FNDC3A: variants seen among roughly 807,000 people sequenced by gnomAD.
FNDC3A encodes fibronectin type-III domain-containing protein 3A.
Under a neutral mutation model 148.9 loss-of-function variants are expected in FNDC3A, and 32 were observed. The ratio of observed to expected loss-of-function variants is 0.21; its 90% CI spans 0.16 to 0.29. FNDC3A has a LOEUF of 0.29. Among genes scored for constraint, FNDC3A ranks in the 10% least tolerant of loss-of-function variants. FNDC3A has a pLI of 1.00. For synonymous variants in FNDC3A, 472 were observed against 473.6 expected (o/e 1.00, Z 0.04); for missense variants, 1,191 against 1,452.8 (o/e 0.82, Z 2.93).
intron 10 of FNDC3A, 131 bp downstream of exon 10, chr13:49,168,882 A>G: frequency 2.5e-6 from 2 of 800,718 alleles, no homozygotes; most frequent in South Asian, 1.8e-5. Flanking sequence ...TAAGACACAA[A>G]TGCCTATTTA....
chr13:49,207,143 C>T lies in FNDC3A; in HGVS notation c.3345C>T (p.Arg1115=), dbSNP rs781320101. The stretch of plus-strand genomic sequence containing the variant: ...GCCTTCAGCTGAACTGTGAATATCG[C>T]TTCCGTGTATGTGCCATTCGCCAGT... ...YSSLQLNCEY[R]FRVCAIRQCQ... The change falls in exon 26 of 26, where the codon CGC becomes CGT. Residue 1115 remains arginine (R), a synonymous_variant. Transcript: ENST00000492622. 6.2e-7 allele frequency: 1 copy of T among 1,614,190 alleles called. No individual in the cohort carries two copies. Among genetic ancestry groups the T allele is most frequent in the East Asian group, 2.2e-5 (1 of 44,878 alleles).
At chr13:49,081,908 C>T (rs551628623) in intron 3 of FNDC3A, among the ~76,000 whole-genome samples, 3 of 151,326 alleles carry the variant, frequency 2.0e-5, no homozygotes, top group East Asian at 1.9e-4. Context: ...CTTTGTCTCA[C>T]GTTGTGTTAC....
chr13:49,130,853 C>T (rs924025876), intron 4 of FNDC3A, among the ~76,000 whole-genome samples: 1 of 152,148 alleles, frequency 6.6e-6, no homozygotes, highest in Non-Finnish European at 1.5e-5. Flanking sequence ...ACTGCAACCT[C>T]CACCTCCCAG....
intron 3 of FNDC3A, among the ~76,000 whole-genome samples, chr13:49,077,003 T>A (rs1203960181): frequency 1.3e-5 from 2 of 152,178 alleles, no homozygotes; most frequent in African/African-American, 4.8e-5. Context: ...GGAAGACAAG[T>A]GCAGTGGGTC....
At chr13:49,003,558 T>C (rs1353862751) in intron 1 of FNDC3A, among the ~76,000 whole-genome samples, 1 of 152,218 alleles carries the variant, frequency 6.6e-6, no homozygotes, top group Non-Finnish European at 1.5e-5. Flanking sequence ...TGAAATCCAG[T>C]ATATTTTTTT....
intron 5 of FNDC3A, among the ~76,000 whole-genome samples, chr13:49,135,436 T>C (rs1882298159): frequency 6.6e-6 from 1 of 152,278 alleles, no homozygotes; most frequent in African/African-American, 2.4e-5. Flanking sequence ...TCCAAGGTCA[T>C]AGAGACGTGT....
At chr13:49,201,317 A>G (rs192700893) in intron 23 of FNDC3A, 1 of 161,022 alleles carries the variant, frequency 6.2e-6, no homozygotes, top group East Asian at 1.8e-4. Flanking sequence ...CTGCCTGGGA[A>G]TTGAGAATTC....
chr13:49,078,944 T>A (rs1196321029), intron 3 of FNDC3A, among the ~76,000 whole-genome samples: 2 of 152,220 alleles, frequency 1.3e-5, no homozygotes, highest in Admixed American at 6.5e-5. Context: ...ATAAAATCTC[T>A]ATATTAAAAC....
rs1484014221 is a variant in FNDC3A at position 49,207,566 on chromosome 13, T to C, written c.*171T>C. ...TTGTTAGGTAGAGGCTGGCACTTTA[T>C]TAGAATGCAAGCCACAAAAATATCA... On this transcript the variant is annotated 3_prime_UTR_variant, in exon 26 of 26. Coordinates refer to ENST00000492622, the MANE Select transcript of FNDC3A (RefSeq NM_001079673.2). The C allele has an allele frequency of 4.6e-6, 2 of 436,308 alleles. No homozygotes were observed. The highest frequency in any genetic ancestry group is 6.9e-5 in the South Asian group (1 of 14,574). The allele number at this position is 436,308 out of a possible 1,614,324, so 27.0% of individuals were successfully genotyped here.
chr13:49,208,841 A>T lies in FNDC3A; in HGVS notation c.*1446A>T, dbSNP rs767316364. 1 of 152,644 alleles carries T rather than the reference A, an allele frequency of 6.6e-6. No homozygotes were observed. Among genetic ancestry groups the T allele is most frequent in the African/African-American group, 2.4e-5 (1 of 41,466 alleles). The allele number at this position is 152,644 out of a possible 1,614,324, so 9.5% of individuals were successfully genotyped here. A position where few individuals can be genotyped will look rare whatever the true frequency, so the allele number is the denominator to read the frequency against. On this transcript the variant is annotated 3_prime_UTR_variant, in exon 26 of 26. Coordinates refer to ENST00000492622, the MANE Select transcript of FNDC3A (RefSeq NM_001079673.2). ...TGCTGAGGTTGGCATTTTAGTGATTATTAAGCACTTCTGTCAGTCTTTGAA... is the reference window on the plus strand; with the variant it reads ...TGCTGAGGTTGGCATTTTAGTGATTTTTAAGCACTTCTGTCAGTCTTTGAA...
chr13:49,085,612 C>T (rs1256047634), intron 3 of FNDC3A, among the ~76,000 whole-genome samples: 1 of 152,270 alleles, frequency 6.6e-6, no homozygotes, highest in African/African-American at 2.4e-5. Flanking sequence ...ACTTTTGCTG[C>T]AGTTACTATA....
At chr13:49,190,961 C>A in intron 17 of FNDC3A, 54 bp from the exon 18 acceptor site, 1 of 1,185,210 alleles carries the variant, frequency 8.4e-7, no homozygotes, top group Non-Finnish European at 1.2e-6. Context: ...CAAAAGCAAT[C>A]TGATTATTTG....
intron 2 of FNDC3A, among the ~76,000 whole-genome samples, chr13:49,050,938 G>A (rs1222222135): frequency 6.6e-6 from 1 of 152,072 alleles, no homozygotes; most frequent in Non-Finnish European, 1.5e-5. Context: ...TTTGAAGTTT[G>A]TTTTGTCTGA....
At chr13:49,016,644 CTT>C (rs1270502234) in intron 2 of FNDC3A, among the ~76,000 whole-genome samples, 20 of 151,886 alleles carry the variant, frequency 1.3e-4, no homozygotes, top group Non-Finnish European at 2.9e-4. Flanking sequence ...CTTCTGCTAG[CTT>C]TTGAATGTGT....
chr13:49,170,988 T>C (rs769868831), intron 10 of FNDC3A, among the ~76,000 whole-genome samples: 1 of 152,166 alleles, frequency 6.6e-6, no homozygotes, highest in Non-Finnish European at 1.5e-5. Context: ...TTGATCTCTC[T>C]CTTTGGATTC....
intron 2 of FNDC3A, among the ~76,000 whole-genome samples, chr13:49,056,030 A>T (rs1876211875): frequency 6.6e-6 from 1 of 151,898 alleles, no homozygotes; most frequent in Admixed American, 6.6e-5. Context: ...CTACAAAAAT[A>T]AAAAAAATTA....
intron 3 of FNDC3A, among the ~76,000 whole-genome samples, chr13:49,092,848 A>G (rs989348705): frequency 6.6e-5 from 10 of 151,190 alleles, no homozygotes; most frequent in Non-Finnish European, 1.0e-4. Context: ...TTATTGGTCT[A>G]TATTGTTATT....
At chr13:49,158,900 T>A (rs1354674636) in intron 8 of FNDC3A, among the ~76,000 whole-genome samples, 2 of 152,238 alleles carry the variant, frequency 1.3e-5, no homozygotes, top group Non-Finnish European at 2.9e-5. Context: ...TTCTTGTTTT[T>A]GTCAGGTTTG....
chr13:49,016,736 T>C (rs1252655512), intron 2 of FNDC3A, among the ~76,000 whole-genome samples: 2 of 152,184 alleles, frequency 1.3e-5, no homozygotes, highest in Non-Finnish European at 2.9e-5. Context: ...CTTGTGGGCA[T>C]TTAGTGCTAT....
Sources: gnomAD v4.1 joint callset for allele counts (sites outside exome capture counted in the v4.1 genomes callset) on GRCh38, gnomAD v4.1.1 for gene constraint, MANE v1.5 for transcripts, NCBI Gene and HGNC (gene_info 2026-07-23, HGNC 2026-07-21) for gene names.